Variants in MAGI2 observed in about 807,000 individuals in gnomAD.
MAGI2 encodes the protein membrane associated guanylate kinase, WW and PDZ domain containing 2.
Under a neutral mutation model 133.3 loss-of-function variants are expected in MAGI2, and 35 were observed. The observed-to-expected ratio is 0.26, with a 90% CI of 0.20 to 0.35. MAGI2 has a LOEUF of 0.35. Ranked by LOEUF, MAGI2 falls within the 10% of genes least tolerant of loss-of-function variation. The probability of loss-of-function intolerance (pLI) is 1.00; values close to 1 mark genes in which losing one functional copy is unlikely to be tolerated. For synonymous variants in MAGI2, 729 were observed against 710.6 expected (o/e 1.03, Z -0.41); for missense variants, 1,636 against 1,863.4 (o/e 0.88, Z 2.25).
intron 2 of MAGI2, among the ~76,000 whole-genome samples, chr7:78,666,583 G>T (rs547600720): frequency 1.6e-3 from 243 of 152,274 alleles, no homozygotes; most frequent in Non-Finnish European, 2.7e-3. Flanking sequence ...CAACCAGGGG[G>T]ACACTGGCAA....
chr7:78,244,523 G>A (rs1046148191), intron 10 of MAGI2, among the ~76,000 whole-genome samples: 14 of 152,222 alleles, frequency 9.2e-5, no homozygotes, highest in South Asian at 2.1e-4. Flanking sequence ...AGATAACTTT[G>A]AAGATAATTA....
At chr7:78,577,327 A>G (rs1224095299) in intron 3 of MAGI2, among the ~76,000 whole-genome samples, 1 of 152,228 alleles carries the variant, frequency 6.6e-6, no homozygotes, top group Non-Finnish European at 1.5e-5. Context: ...ACAACAACAT[A>G]TAAGGTATGG....
intron 1 of MAGI2, among the ~76,000 whole-genome samples, chr7:79,367,856 G>GACACACACACACACACACACAC (rs1183514493): frequency 0.016 from 1,111 of 69,390 alleles, 68 homozygotes; most frequent in Non-Finnish European, 0.021. Context: ...TTATATATGT[G>GACACACACACACACACACACAC]ACATATATAT....
At chr7:79,251,580 A>G (rs1221283320) in intron 1 of MAGI2, among the ~76,000 whole-genome samples, 1 of 152,188 alleles carries the variant, frequency 6.6e-6, no homozygotes. Flanking sequence ...AAAGACAGAC[A>G]ATAACAAATG....
intron 13 of MAGI2, among the ~76,000 whole-genome samples, chr7:78,180,979 A>C (rs1298519775): frequency 7.3e-6 from 1 of 136,362 alleles, no homozygotes; most frequent in Non-Finnish European, 1.6e-5. Flanking sequence ...TTAGGAAGAT[A>C]ATTTTTCTTT....
At chr7:78,977,550 C>A (rs2116110504) in intron 2 of MAGI2, among the ~76,000 whole-genome samples, 1 of 150,320 alleles carries the variant, frequency 6.7e-6, no homozygotes, top group African/African-American at 2.4e-5. Flanking sequence ...ACAATTTACA[C>A]AAAAAGTTAA....
chr7:79,026,164 T>C (rs538557216), intron 1 of MAGI2, among the ~76,000 whole-genome samples: 1 of 152,230 alleles, frequency 6.6e-6, no homozygotes, highest in South Asian at 2.1e-4. Context: ...ATGGGAAAAA[T>C]AAAGAATACA....
rs146529788 is a variant in MAGI2 at position 79,213,325 on chromosome 7, T to TACACACACACACACAC, written c.302-206135_302-206120dup. The stretch of plus-strand genomic sequence containing the variant: ...GTGTATTTACACACACGTACACACG[T>TACACACACACACACAC]ACACACACACACACACACACACACA... On this transcript the variant is annotated intron_variant, in intron 1 of 21. Transcript: ENST00000354212. 4.1e-5 allele frequency among the ~76,000 whole-genome samples: 6 copies of TACACACACACACACAC among 145,468 alleles called. No homozygotes were observed. The East Asian group carries it at 1.0e-3, about 24-fold the overall frequency.
At chr7:79,130,222 A>G (rs1820808491) in intron 1 of MAGI2, among the ~76,000 whole-genome samples, 1 of 151,988 alleles carries the variant, frequency 6.6e-6, no homozygotes, top group South Asian at 2.1e-4. Flanking sequence ...TCTGGAGGCT[A>G]AGGCGGGAGT....
intron 1 of MAGI2, among the ~76,000 whole-genome samples, chr7:79,396,635 T>C (rs1320760555): frequency 6.6e-6 from 1 of 152,170 alleles, no homozygotes; most frequent in Non-Finnish European, 1.5e-5. Flanking sequence ...TGTCAATTTA[T>C]GTCCTGCGGG....
intron 3 of MAGI2, among the ~76,000 whole-genome samples, chr7:78,573,057 A>G (rs528117549): frequency 2.9e-5 from 3 of 103,372 alleles, no homozygotes; most frequent in African/African-American, 3.9e-5. Flanking sequence ...ATATATATAT[A>G]TATATATATA....
At chr7:78,642,952 T>G (rs774985297) in intron 2 of MAGI2, among the ~76,000 whole-genome samples, 1 of 152,036 alleles carries the variant, frequency 6.6e-6, no homozygotes, top group Non-Finnish European at 1.5e-5. Flanking sequence ...CAGGTGGGAG[T>G]GTGGGTGTGC....
At chr7:79,331,893 A>G (rs1169200144) in intron 1 of MAGI2, among the ~76,000 whole-genome samples, 4 of 151,978 alleles carry the variant, frequency 2.6e-5, no homozygotes, top group African/African-American at 9.7e-5. Flanking sequence ...ACATGTATAC[A>G]TATGTAACTA....
chr7:78,082,079 G>A (rs150454160), intron 20 of MAGI2, among the ~76,000 whole-genome samples: 29 of 152,336 alleles, frequency 1.9e-4, no homozygotes, highest in African/African-American at 7.0e-4. Flanking sequence ...CTGCCGCCTT[G>A]TGGTTACTTG....
chr7:79,419,851 CAA>C (rs1299297848), intron 1 of MAGI2, among the ~76,000 whole-genome samples: 1 of 151,924 alleles, frequency 6.6e-6, no homozygotes, highest in Non-Finnish European at 1.5e-5. Flanking sequence ...TAAATTTAAG[CAA>C]AAGACTCTAA....
At chr7:78,470,950 A>G (rs1791137023) in intron 6 of MAGI2, among the ~76,000 whole-genome samples, 2 of 152,286 alleles carry the variant, frequency 1.3e-5, no homozygotes, top group East Asian at 1.9e-4. Context: ...GAGGTAAGCC[A>G]TTAGTGGCAG....
chr7:78,784,237 G>A (rs897754022), intron 2 of MAGI2, among the ~76,000 whole-genome samples: 5 of 150,670 alleles, frequency 3.3e-5, no homozygotes, highest in African/African-American at 1.2e-4. Flanking sequence ...TTGGGGCTCA[G>A]GAAACAATAT....
chr7:78,162,123 C>T (rs1478233453), intron 15 of MAGI2, among the ~76,000 whole-genome samples: 1 of 152,118 alleles, frequency 6.6e-6, no homozygotes, highest in African/African-American at 2.4e-5. Flanking sequence ...TGAAAATCTC[C>T]TCGAGTTATT....
At chr7:78,601,005 A>G (rs1805144458) in intron 3 of MAGI2, among the ~76,000 whole-genome samples, 1 of 152,186 alleles carries the variant, frequency 6.6e-6, no homozygotes, top group Admixed American at 6.5e-5. Context: ...TTTTAAAAAT[A>G]TGTTATTTTG....
Sources: allele counts gnomAD v4.1 joint callset (sites outside exome capture counted in the v4.1 genomes callset), GRCh38; gene constraint gnomAD v4.1.1; transcripts MANE v1.5; gene names NCBI Gene and HGNC (gene_info 2026-07-23, HGNC 2026-07-21).